FLRT1: variants seen among roughly 807,000 people sequenced by gnomAD.
FLRT1 encodes fibronectin leucine rich transmembrane protein 1.
FLRT1 carries 14 observed loss-of-function variants against 30.9 expected under a neutral mutation model. The observed-to-expected ratio is 0.45, with a 90% CI of 0.30 to 0.71. The LOEUF (loss-of-function observed/expected upper bound fraction) is 0.71. Ranked by LOEUF, FLRT1 falls within the 30% of genes least tolerant of loss-of-function variation. The probability of loss-of-function intolerance (pLI) is 0.08; values close to 1 mark genes in which losing one functional copy is unlikely to be tolerated. For synonymous variants in FLRT1, 368 were observed against 430.4 expected (o/e 0.85, Z 1.80); for missense variants, 737 against 949.2 (o/e 0.78, Z 2.94).
At chr11:64,061,169 T>C (rs1943896088) in intron 1 of FLRT1, among the ~76,000 whole-genome samples, 1 of 152,236 alleles carries the variant, frequency 6.6e-6, no homozygotes, top group Non-Finnish European at 1.5e-5. Context: ...AGTCTTGTAA[T>C]GAGTATGGAT....
At chr11:64,084,639 T>C (rs1944362055) in intron 1 of FLRT1, among the ~76,000 whole-genome samples, 1 of 152,180 alleles carries the variant, frequency 6.6e-6, no homozygotes, top group African/African-American at 2.4e-5. Flanking sequence ...ACCCAGCGCA[T>C]GGCAGTGGGG....
intron 1 of FLRT1, among the ~76,000 whole-genome samples, chr11:64,057,370 C>T (rs1943806492): frequency 6.6e-6 from 1 of 152,218 alleles, no homozygotes; most frequent in African/African-American, 2.4e-5. Context: ...ACAGTTTCAC[C>T]TACCAAGGCA....
At chr11:64,045,934 A>G (rs1943576478) in intron 1 of FLRT1, among the ~76,000 whole-genome samples, 1 of 152,196 alleles carries the variant, frequency 6.6e-6, no homozygotes, top group African/African-American at 2.4e-5. Context: ...AAACAATAAC[A>G]GCAGTGACAC....
At chr11:64,084,518 T>G (rs752012444) in intron 1 of FLRT1, among the ~76,000 whole-genome samples, 2 of 152,210 alleles carry the variant, frequency 1.3e-5, no homozygotes, top group African/African-American at 2.4e-5. Context: ...GGGCCTGGGC[T>G]TGGGTCATCG....
chr11:64,115,500 C>A (rs1944961321), intron 2 of FLRT1, among the ~76,000 whole-genome samples: 1 of 152,130 alleles, frequency 6.6e-6, no homozygotes, highest in Non-Finnish European at 1.5e-5. Context: ...AAAGAGATTT[C>A]TGTAAATACA....
chr11:64,059,961 G>A (rs1943866426), intron 1 of FLRT1, among the ~76,000 whole-genome samples: 2 of 152,284 alleles, frequency 1.3e-5, no homozygotes, highest in South Asian at 2.1e-4. Context: ...TTGGGGGGCC[G>A]GGGCACCCTG....
rs1340893107 is a variant in FLRT1 at position 64,090,997 on chromosome 11, C to T, written c.-1037-12197C>T. On this transcript the variant is annotated intron_variant, in intron 1 of 2. Coordinates refer to ENST00000682287, the MANE Select transcript of FLRT1 (RefSeq NM_013280.5). This position sits in a 1 kb window ranked among gnomAD's most constrained non-coding sequence, Gnocchi z 4.7. The stretch of plus-strand genomic sequence containing the variant: ...CTCTGGGTCAGTTGGTTACTGACTG[C>T]TGACTGTGCCTAGGAGAAGGGGGAG... Among the ~76,000 whole-genome samples the T allele has an allele frequency of 6.7e-6, 1 of 149,814 alleles. No individual in the cohort carries two copies. Among genetic ancestry groups the T allele is most frequent in the African/African-American group, 2.5e-5 (1 of 40,602 alleles).
chr11:64,069,504 G>A (rs777587623), intron 1 of FLRT1, among the ~76,000 whole-genome samples: 15 of 152,228 alleles, frequency 9.9e-5, no homozygotes, highest in Admixed American at 3.3e-4. Flanking sequence ...CTGGGGTAGG[G>A]GAAGGGCAAG....
chr11:64,101,500 C>T (rs1185648744), intron 1 of FLRT1, among the ~76,000 whole-genome samples: 2 of 152,174 alleles, frequency 1.3e-5, no homozygotes, highest in Non-Finnish European at 2.9e-5. Context: ...GGCAATCATC[C>T]TCTCAAAATG....
chr11:64,046,420 G>A lies in FLRT1; in HGVS notation c.-1038+10261G>A, dbSNP rs564773227. Among the ~76,000 whole-genome samples, 24 of 152,294 alleles carry A rather than the reference G, an allele frequency of 1.6e-4. 1 individual carries two copies. Among genetic ancestry groups the A allele is most frequent in the East Asian group, 3.9e-4 (2 of 5,166 alleles). On this transcript the variant is annotated intron_variant, in intron 1 of 2. Transcript: ENST00000682287. ...CAAAGTGTCCCCTGTGCTGGGGTGC[G>A]AGGCTGCCCAAGGGGACAGGAGGGA... is the stretch of plus-strand genomic sequence containing the variant.
At chr11:64,074,055 A>AGCTGGG (rs1944157519) in intron 1 of FLRT1, among the ~76,000 whole-genome samples, 1 of 152,178 alleles carries the variant, frequency 6.6e-6, no homozygotes, top group African/African-American at 2.4e-5. Flanking sequence ...CAGCCCGGCC[A>AGCTGGG]GCTGGGGATG....
intron 1 of FLRT1, among the ~76,000 whole-genome samples, chr11:64,046,575 G>A (rs183921380): frequency 6.6e-6 from 1 of 152,266 alleles, no homozygotes; most frequent in East Asian, 1.9e-4. Flanking sequence ...TTTTGAGACG[G>A]AGTTTTGTTC....
chr11:64,088,813 G>A (rs1944439902), intron 1 of FLRT1, among the ~76,000 whole-genome samples: 1 of 152,212 alleles, frequency 6.6e-6, no homozygotes, highest in South Asian at 2.1e-4. Flanking sequence ...GGCTCTTGGT[G>A]GGTGGGAGTG....
intron 1 of FLRT1, among the ~76,000 whole-genome samples, chr11:64,066,800 C>T (rs1006944953): frequency 6.6e-6 from 1 of 152,206 alleles, no homozygotes; most frequent in African/African-American, 2.4e-5. Flanking sequence ...AACTATCCTA[C>T]GAGAACTCCA....
chr11:64,095,970 GT>G (rs1944568914), intron 1 of FLRT1, among the ~76,000 whole-genome samples: 1 of 49,062 alleles, frequency 2.0e-5, no homozygotes, highest in East Asian at 3.1e-4. Context: ...TCCAGCAGTG[GT>G]CCCCCCACCC....
At chr11:64,084,722 C>T (rs10751006) in intron 1 of FLRT1, among the ~76,000 whole-genome samples, 51,849 of 152,102 alleles carry the variant, frequency 0.34, 9,478 homozygotes, top group East Asian at 0.48. Flanking sequence ...CGTGCTGCTT[C>T]GGCTCAGCCC....
At chr11:64,085,905 C>A (rs1944385372) in intron 1 of FLRT1, among the ~76,000 whole-genome samples, 1 of 152,170 alleles carries the variant, frequency 6.6e-6, no homozygotes, top group African/African-American at 2.4e-5. Context: ...TTCTCAGGGG[C>A]CACCCCACCC....
chr11:64,080,955 A>G (rs935120633), intron 1 of FLRT1, among the ~76,000 whole-genome samples: 12 of 152,168 alleles, frequency 7.9e-5, no homozygotes, highest in Non-Finnish European at 1.5e-4. Flanking sequence ...GTCTGTTGGA[A>G]TTATGTGACA....
chr11:64,064,627 T>C lies in FLRT1; in HGVS notation c.-1038+28468T>C, dbSNP rs76389328. Among the ~76,000 whole-genome samples the C allele has an allele frequency of 0.012, 1,775 of 150,344 alleles. 41 individuals carry two copies. The highest frequency in any genetic ancestry group is 0.041 in the African/African-American group (1,680 of 41,136). On this transcript the variant is annotated intron_variant, in intron 1 of 2. Transcript: ENST00000682287. The surrounding 1 kb of genome is among the most constrained non-coding windows in gnomAD (Gnocchi z 4.5). The stretch of plus-strand genomic sequence containing the variant: ...AAACCCAGAATGTATCCTGACAGCA[T>C]TGGAACAGGATGCAGAGTAGGGGCC...
Sources: allele counts gnomAD v4.1 joint callset (sites outside exome capture counted in the v4.1 genomes callset), GRCh38; gene constraint gnomAD v4.1.1; non-coding constraint Gnocchi (gnomAD v3.1); transcripts MANE v1.5; gene names NCBI Gene and HGNC (gene_info 2026-07-23, HGNC 2026-07-21).